Variants in GMEB1 observed in about 807,000 individuals in gnomAD.
GMEB1 encodes glucocorticoid modulatory element binding protein 1, also known as glucocorticoid modulatory element-binding protein 1.
GMEB1 carries 6 observed loss-of-function variants against 52.4 expected under a neutral mutation model. The ratio of observed to expected loss-of-function variants is 0.11; its 90% CI spans 0.06 to 0.23. The LOEUF (loss-of-function observed/expected upper bound fraction) is 0.23. GMEB1 is among the 10% of genes least tolerant of loss of function. The pLI, the probability that GMEB1 is intolerant of heterozygous loss-of-function variation, is 1.00. For synonymous variants in GMEB1, 255 were observed against 244.9 expected (o/e 1.04, Z -0.38); for missense variants, 486 against 685.6 (o/e 0.71, Z 3.25).
Position 28,714,155 on chromosome 1 carries a change from G to A in GMEB1, c.1074G>A (p.Leu358=), listed in dbSNP as rs1671182893. ...LKSQTVQNVV[L]MPVSTPKPPK... ...CTCAGACAGTTCAAAATGTGGTACT[G>A]ATGCCTGTGAGCACTCCTAAGCCTC... The change falls in exon 10 of 10, where the codon CTG becomes CTA. Residue 358 remains leucine (L), a synonymous_variant. Transcript: ENST00000373816. The A allele has an allele frequency of 6.2e-7, 1 of 1,614,036 alleles. No homozygotes were observed. The highest frequency in any genetic ancestry group is 1.3e-5 in the African/African-American group (1 of 74,922).
chr1:28,714,231 T>C lies in GMEB1; in HGVS notation c.1150T>C (p.Ser384Pro). ...RPASTTVLSP[S>P]PPVQQPQFTV... ...AGCCTCCACCACTGTCTTGAGCCCT[T>C]CTCCTCCTGTCCAGCAGCCTCAGTT... The change falls in exon 10 of 10, where the codon TCT (serine) becomes CCT (proline). Residue 384 changes from serine to proline, a missense_variant. Ser to Pro is a moderately conservative substitution (Grantham distance 74). Transcript: ENST00000373816. The C allele has an allele frequency of 1.9e-6, 3 of 1,614,104 alleles. No individual in the cohort carries two copies. Among genetic ancestry groups the C allele is most frequent in the Non-Finnish European group, 2.5e-6 (3 of 1,180,026 alleles).
At chr1:28,677,840 A>C (rs1669225032) in intron 1 of GMEB1, among the ~76,000 whole-genome samples, 1 of 151,782 alleles carries the variant, frequency 6.6e-6, no homozygotes, top group Admixed American at 6.6e-5. Context: ...ATTTTATCTT[A>C]TTTTATTTTA....
intron 8 of GMEB1, among the ~76,000 whole-genome samples, chr1:28,706,528 C>T (rs1223885226): frequency 1.3e-5 from 2 of 150,708 alleles, no homozygotes; most frequent in Admixed American, 1.3e-4. Context: ...CGCTTGAACC[C>T]GGCAGGTGGA....
chr1:28,699,456 A>G (rs1366646508), intron 6 of GMEB1, among the ~76,000 whole-genome samples: 3 of 151,916 alleles, frequency 2.0e-5, no homozygotes, highest in African/African-American at 7.3e-5. Context: ...TTAAGACAGA[A>G]TCTTGCTTTG....
chr1:28,699,831 C>G (rs893293578), intron 6 of GMEB1, among the ~76,000 whole-genome samples: 4 of 150,820 alleles, frequency 2.7e-5, no homozygotes, highest in African/African-American at 7.3e-5. Context: ...TCCCAGCACT[C>G]TGGGAAGCTG....
In GMEB1 at chr1:28,693,019, T is replaced by A; in HGVS notation, c.414T>A (p.Ala138=). 1 of 1,606,224 alleles carries A rather than the reference T, an allele frequency of 6.2e-7. No homozygotes were observed. The highest frequency in any genetic ancestry group is 8.5e-7 in the Non-Finnish European group (1 of 1,174,462). ...GKSTLKDWKR[A]IRLGGIMLRK... ...CCACTCTGAAGGACTGGAAGAGAGC[T>A]ATTCGTCTGGGTGGGATCATGCTCA... is the stretch of plus-strand genomic sequence containing the variant. Residue 138 remains alanine, a synonymous_variant, in exon 5 of 10, where the codon GCT becomes GCA. Coordinates refer to ENST00000373816, the MANE Select transcript of GMEB1 (RefSeq NM_001319674.2).
chr1:28,714,863 G>C lies in GMEB1; in HGVS notation c.*90G>C. 1 of 855,262 alleles carries C rather than the reference G, an allele frequency of 1.2e-6. No individual in the cohort carries two copies. Among genetic ancestry groups the C allele is most frequent in the Non-Finnish European group, 1.8e-6 (1 of 561,512 alleles). The allele number at this position is 855,262 out of a possible 1,614,324, so 53.0% of individuals were successfully genotyped here. On this transcript the variant is annotated 3_prime_UTR_variant, in exon 10 of 10. Coordinates refer to ENST00000373816, the MANE Select transcript of GMEB1 (RefSeq NM_001319674.2). The stretch of plus-strand genomic sequence containing the variant: ...CATTGTCCCACTCATTTCCACATAG[G>C]ACCCTTTTTTAAAAAAAAAAAAACA...
chr1:28,701,268 C>CT (rs67909525), intron 6 of GMEB1, among the ~76,000 whole-genome samples: 7,792 of 109,684 alleles, frequency 0.071, 464 homozygotes, highest in East Asian at 0.18. Context: ...TAAAAGCTGT[C>CT]TTTTTTTTTT....
At chr1:28,701,636 ATGGTTTAC>A (rs568688202) in intron 6 of GMEB1, among the ~76,000 whole-genome samples, 9 of 150,786 alleles carry the variant, frequency 6.0e-5, no homozygotes, top group Non-Finnish European at 1.3e-4. Flanking sequence ...TGGCACAACC[ATGGTTTAC>A]TGCAGTCTTA....
At chr1:28,691,396 G>A (rs935985462) in intron 3 of GMEB1, among the ~76,000 whole-genome samples, 189 bp from the exon 4 acceptor site, 1 of 152,140 alleles carries the variant, frequency 6.6e-6, no homozygotes, top group Non-Finnish European at 1.5e-5. Flanking sequence ...TACATAGTAT[G>A]GTGTCTGGCA....
At position 28,704,255 on chromosome 1, in the gene GMEB1, A is replaced by G. The variant is rs149565560; in HGVS notation, c.794A>G (p.Asn265Ser). The stretch of plus-strand genomic sequence containing the variant: ...GGGCTGATGGAAGAGGTTGTCTGCA[A>G]TATACAGAAGGAAATAGAGGAGCTA... Reference protein sequence around the residue: ...DVGLMEEVVCNIQKEIEELLR... With the variant: ...DVGLMEEVVCSIQKEIEELLR... Residue 265 changes from asparagine (N) to serine (S), a missense_variant, in exon 8 of 10, where the codon AAT becomes AGT. Asn to Ser is a conservative substitution (Grantham distance 46). Coordinates refer to ENST00000373816, the MANE Select transcript of GMEB1 (RefSeq NM_001319674.2). 1.1e-4 allele frequency: 181 copies of G among 1,613,828 alleles called. No individual in the cohort carries two copies. Among genetic ancestry groups the G allele is most frequent in the Non-Finnish European group, 1.5e-4 (174 of 1,179,850 alleles).
intron 1 of GMEB1, among the ~76,000 whole-genome samples, chr1:28,682,856 C>G (rs1308422554): frequency 3.3e-5 from 5 of 152,098 alleles, no homozygotes. Context: ...TGGTAATGTG[C>G]TACAAACCAA....
chr1:28,683,125 C>T (rs1669472518), intron 1 of GMEB1, among the ~76,000 whole-genome samples: 2 of 152,128 alleles, frequency 1.3e-5, no homozygotes, highest in South Asian at 2.1e-4. Flanking sequence ...TGTGATAGCC[C>T]ATCTCACAGT....
chr1:28,706,518 C>T (rs1271008923), intron 8 of GMEB1, among the ~76,000 whole-genome samples: 6 of 147,122 alleles, frequency 4.1e-5, no homozygotes, highest in Non-Finnish European at 7.6e-5. Flanking sequence ...GTGGGAGAAT[C>T]GCTTGAACCC....
Position 28,702,441 on chromosome 1 carries a change from GC to G in GMEB1, c.603del (p.Ser201ArgfsTer35). The G allele has an allele frequency of 6.2e-7, 1 of 1,613,236 alleles. No homozygotes were observed. The highest frequency in any genetic ancestry group is 8.5e-7 in the Non-Finnish European group (1 of 1,179,404). On this transcript the variant is annotated frameshift_variant, in exon 7 of 10. Transcript: ENST00000373816. LOFTEE classifies it high-confidence loss of function. ...ACCTCTACTGGACTGTTTTTAGGTAGCATCACGCAGATTGCCATCTCAGAAG... is the reference window on the plus strand; with the variant it reads ...ACCTCTACTGGACTGTTTTTAGGTAGATCACGCAGATTGCCATCTCAGAAG... ...VVQTPTSADG[S>X]ITQIAISEES...
chr1:28,694,120 C>T (rs1471596152), intron 5 of GMEB1, among the ~76,000 whole-genome samples: 15 of 149,538 alleles, frequency 1.0e-4, no homozygotes, highest in Admixed American at 2.0e-4. Context: ...TGTGTTAAGA[C>T]ATACATATGT....
intron 1 of GMEB1, among the ~76,000 whole-genome samples, chr1:28,682,399 C>T (rs927742814): frequency 4.6e-5 from 7 of 151,908 alleles, no homozygotes; most frequent in Non-Finnish European, 1.0e-4. Flanking sequence ...ACGGGTGGAT[C>T]ATTTGAGGTT....
At chr1:28,692,190 A>G (rs1462414590) in intron 4 of GMEB1, among the ~76,000 whole-genome samples, 1 of 150,838 alleles carries the variant, frequency 6.6e-6, no homozygotes, top group Non-Finnish European at 1.5e-5. Flanking sequence ...TTTTGTAGAG[A>G]TGGGGGGTTT....
chr1:28,693,969 A>G (rs922918928), intron 5 of GMEB1, among the ~76,000 whole-genome samples: 9 of 152,092 alleles, frequency 5.9e-5, no homozygotes, highest in Non-Finnish European at 1.2e-4. Context: ...AAAGTCAATT[A>G]TGGCTTGTGT....
Sources: gnomAD v4.1 joint callset for allele counts (sites outside exome capture counted in the v4.1 genomes callset) on GRCh38, gnomAD v4.1.1 for gene constraint, MANE v1.5 for transcripts, NCBI Gene and HGNC (gene_info 2026-07-23, HGNC 2026-07-21) for gene names.